The following SVIL variants were observed in gnomAD, a reference collection of about 807,000 sequenced individuals.
The protein encoded by SVIL is archvillin.
SVIL carries 101 observed loss-of-function variants against 240.4 expected under a neutral mutation model. The ratio of observed to expected loss-of-function variants is 0.42; its 90% CI spans 0.36 to 0.50. SVIL has a LOEUF of 0.50. SVIL is among the 20% of genes least tolerant of loss of function. The pLI is 0.01. For synonymous variants in SVIL, 999 were observed against 1,100.0 expected, an observed-to-expected ratio of 0.91 and a Z score of 1.82; for missense variants, 2,512 against 2,818.7, an observed-to-expected ratio of 0.89 and a Z score of 2.46.
intron 18 of SVIL, 46 bp from the exon 19 acceptor site, chr10:29,495,227 T>C (rs1196990868): frequency 8.5e-7 from 1 of 1,169,934 alleles, no homozygotes; most frequent in African/African-American, 2.0e-5. Flanking sequence ...GGGTCACTTC[T>C]GGAAATCTCC....
intron 1 of SVIL, among the ~76,000 whole-genome samples, chr10:29,616,326 C>T (rs1001774773): frequency 5.9e-5 from 9 of 152,270 alleles, no homozygotes; most frequent in South Asian, 2.1e-4. Context: ...CATAAGCCAT[C>T]GCACCCAGCC....
chr10:29,491,107 C>T, intron 21 of SVIL, 88 bp from the exon 22 acceptor site: 1 of 1,406,058 alleles, frequency 7.1e-7, no homozygotes, highest in South Asian at 1.5e-5. Context: ...AAAGTATTTC[C>T]TGATTTTGTT....
intron 1 of SVIL, among the ~76,000 whole-genome samples, chr10:29,624,492 C>T (rs1012981469): frequency 1.3e-5 from 2 of 152,122 alleles, no homozygotes; most frequent in Non-Finnish European, 2.9e-5. Flanking sequence ...GAGCTGAGAT[C>T]GATCATGTCA....
In SVIL at chr10:29,535,987, A is replaced by C. The variant is rs762009947; in HGVS notation, c.908+2T>G. On this transcript the variant is annotated splice_donor_variant, in intron 7 of 37. Transcript: ENST00000355867. LOFTEE classifies it high-confidence loss of function. The stretch of plus-strand genomic sequence containing the variant: ...AGCCCCAGAGGGCCGGCGTGCGGGT[A>C]CCTGGAAGGCCAGTTGATAAGTGAA... 3 of 1,614,134 alleles carry C rather than the reference A, an allele frequency of 1.9e-6. No homozygotes were observed. Among genetic ancestry groups the C allele is most frequent in the Non-Finnish European group, 2.5e-6 (3 of 1,180,012 alleles).
chr10:29,696,638 G>C (rs1264457175), intron 1 of SVIL, among the ~76,000 whole-genome samples: 3 of 151,352 alleles, frequency 2.0e-5, no homozygotes, highest in Non-Finnish European at 1.5e-5. Flanking sequence ...CCTCGGCCCG[G>C]CCGCGACCCC....
intron 1 of SVIL, among the ~76,000 whole-genome samples, chr10:29,590,081 G>T (rs377229406): frequency 1.9e-4 from 27 of 140,354 alleles, no homozygotes; most frequent in African/African-American, 6.3e-4. Context: ...GCAGAGAATT[G>T]CTTGAACCTG....
chr10:29,562,765 AAAAG>A lies in SVIL; in HGVS notation c.-51+432_-51+435del, dbSNP rs1954611637. ...GACAGAGCGAGACTCCGTCTCAAAA[AAAAG>A]AAAAAAAAAAAAAAAAAAAAAAAAA... On this transcript the variant is annotated intron_variant, in intron 3 of 37. Transcript: ENST00000355867. Among the ~76,000 whole-genome samples, 8 of 86,848 alleles carry A rather than the reference AAAAG, an allele frequency of 9.2e-5. 1 individual carries two copies. The highest frequency in any genetic ancestry group is 5.6e-4 in the African/African-American group (8 of 14,314). 57.0% of individuals were successfully genotyped at this position (86,848 alleles called of 152,430 possible).
chr10:29,499,054 G>C (rs1948675322), intron 18 of SVIL, 62 bp downstream of exon 18: 1 of 1,580,284 alleles, frequency 6.3e-7, no homozygotes, highest in East Asian at 2.3e-5. Flanking sequence ...CCCTCCATGG[G>C]TAAGTGTGCT....
Position 29,655,687 on chromosome 10 carries a change from T to C in SVIL, c.-201+2282A>G, listed in dbSNP as rs186282843. On this transcript the variant is annotated intron_variant, in intron 3 of 35. Transcript: ENST00000375400. ...ATATTAACCATCACAGCACCTAAAA[T>C]TTACTGTTCACAAATACTGAACAGA... Among the ~76,000 whole-genome samples the C allele has an allele frequency of 6.4e-4, 98 of 152,252 alleles. No homozygotes were observed. The South Asian group carries it at 0.012, about 18-fold the overall frequency.
At chr10:29,511,621 A>G (rs556029409) in intron 17 of SVIL, among the ~76,000 whole-genome samples, 1 of 152,274 alleles carries the variant, frequency 6.6e-6, no homozygotes, top group African/African-American at 2.4e-5. Context: ...CGGTGTGTGA[A>G]AAATATGCAC....
intron 1 of SVIL, among the ~76,000 whole-genome samples, chr10:29,606,715 T>C (rs1372918026): frequency 6.6e-6 from 1 of 152,230 alleles, no homozygotes; most frequent in Non-Finnish European, 1.5e-5. Flanking sequence ...TTCCAAATAA[T>C]AATGCATTTG....
At chr10:29,487,830 C>G (rs962075643) in intron 23 of SVIL, 2 of 153,006 alleles carry the variant, frequency 1.3e-5, no homozygotes, top group African/African-American at 4.8e-5. Context: ...GAGCTTTCCA[C>G]AATTAAACAG....
At chr10:29,619,402 T>C (rs1031994984) in intron 1 of SVIL, among the ~76,000 whole-genome samples, 1 of 152,210 alleles carries the variant, frequency 6.6e-6, no homozygotes, top group Non-Finnish European at 1.5e-5. Context: ...TAACCAGACG[T>C]ATGACACATA....
chr10:29,462,398 TTTCCTGTAGTTACACAGATTGCAATG>T lies in SVIL; in HGVS notation c.6278-23_6280del. On this transcript the variant is annotated splice_acceptor_variant and splice_polypyrimidine_tract_variant and coding_sequence_variant and intron_variant, in exon 36 of 38. Coordinates refer to ENST00000355867, the MANE Select transcript of SVIL (RefSeq NM_021738.3). LOFTEE classifies it high-confidence loss of function. ...CTTGGGGGCTGGTTTCTTGAGATTT[TTTCCTGTAGTTACACAGATTGCAATG>T]TCAGTAGACCCCAGGGAGACCCTGT... The T allele has an allele frequency of 6.2e-7, 1 of 1,614,084 alleles. No individual in the cohort carries two copies. The highest frequency in any genetic ancestry group is 8.5e-7 in the Non-Finnish European group (1 of 1,179,994).
At chr10:29,538,028 A>G (rs1197783576) in intron 6 of SVIL, among the ~76,000 whole-genome samples, 1 of 152,232 alleles carries the variant, frequency 6.6e-6, no homozygotes, top group Non-Finnish European at 1.5e-5. Context: ...CCAGGAACGA[A>G]GGCAGTGCAA....
intron 18 of SVIL, among the ~76,000 whole-genome samples, chr10:29,498,285 G>A (rs1014916658): frequency 3.3e-5 from 5 of 151,878 alleles, no homozygotes; most frequent in Non-Finnish European, 7.4e-5. Context: ...AGGCATGGTG[G>A]TGGCGGCCTG....
intron 29 of SVIL, among the ~76,000 whole-genome samples, chr10:29,480,335 G>A (rs567007776): frequency 1.3e-5 from 2 of 152,148 alleles, no homozygotes; most frequent in African/African-American, 4.8e-5. Context: ...CAGCGGCCTC[G>A]GCAATGCTAG....
At chr10:29,594,070 G>A (rs1956488620) in intron 1 of SVIL, among the ~76,000 whole-genome samples, 1 of 152,112 alleles carries the variant, frequency 6.6e-6, no homozygotes, top group Non-Finnish European at 1.5e-5. Context: ...TTCGACATGA[G>A]ACAATGACAC....
chr10:29,724,673 A>G (rs1175025245), intron 1 of SVIL, among the ~76,000 whole-genome samples: 2 of 152,100 alleles, frequency 1.3e-5, no homozygotes, highest in African/African-American at 4.8e-5. Context: ...TCTTCATTTG[A>G]GTTCATGTTC....
Sources: gnomAD v4.1 joint callset for allele counts (sites outside exome capture counted in the v4.1 genomes callset) on GRCh38, gnomAD v4.1.1 for gene constraint, MANE v1.5 for transcripts, NCBI Gene and HGNC (gene_info 2026-07-23, HGNC 2026-07-21) for gene names.